Variants in SSH2 observed in about 807,000 individuals in gnomAD.
SSH2 encodes slingshot protein phosphatase 2.
A neutral mutation model predicts 135.2 loss-of-function variants in SSH2; 37 were observed. The ratio of observed to expected loss-of-function variants is 0.27; its 90% confidence interval spans 0.21 to 0.36. SSH2 has a LOEUF of 0.36. Ranked by LOEUF, SSH2 falls within the 10% of genes least tolerant of loss-of-function variation. The pLI, the probability that SSH2 is intolerant of heterozygous loss-of-function variation, is 1.00. For synonymous variants in SSH2, 628 were observed against 646.2 expected (o/e 0.97, Z 0.43); for missense variants, 1,408 against 1,765.3 (o/e 0.80, Z 3.63).
intron 3 of SSH2, among the ~76,000 whole-genome samples, chr17:29,760,949 G>T (rs1473179063): frequency 1.3e-5 from 2 of 151,632 alleles, no homozygotes; most frequent in Admixed American, 6.6e-5. Flanking sequence ...CCCCCACCCC[G>T]GGACACTTTC....
In SSH2 at chr17:29,766,300, GC is replaced by G. The variant is rs2041446336; in HGVS notation, c.188+27593del. On this transcript the variant is annotated intron_variant, in intron 3 of 15. Coordinates refer to ENST00000540801, the MANE Select transcript of SSH2 (RefSeq NM_001282129.2). Reference sequence around the variant, plus strand: ...GCTTGAACCCAGGAGTTTGAGACCAGCCTGGGCAAGATAGTGAGACCCTGTC... The same window carrying G: ...GCTTGAACCCAGGAGTTTGAGACCAGCTGGGCAAGATAGTGAGACCCTGTC... Among the ~76,000 whole-genome samples, 4 of 151,426 alleles carry G rather than the reference GC, an allele frequency of 2.6e-5. No individual in the cohort carries two copies. The South Asian group carries it at 6.3e-4, about 24-fold the overall frequency.
At chr17:29,661,061 C>CAAAAA (rs374216221) in intron 11 of SSH2, among the ~76,000 whole-genome samples, 95 of 47,852 alleles carry the variant, frequency 2.0e-3, no homozygotes, top group Non-Finnish European at 2.6e-3. Flanking sequence ...AATTCCATCT[C>CAAAAA]AAAAAAAAAA....
At chr17:29,833,041 C>T (rs1380249568) in intron 2 of SSH2, among the ~76,000 whole-genome samples, 1 of 152,176 alleles carries the variant, frequency 6.6e-6, no homozygotes. Context: ...GCTCCATATG[C>T]TGAGAAAAAA....
At chr17:29,711,088 G>A (rs974185635) in intron 3 of SSH2, among the ~76,000 whole-genome samples, 1 of 152,144 alleles carries the variant, frequency 6.6e-6, no homozygotes, top group African/African-American at 2.4e-5. Flanking sequence ...CAGAGACTGG[G>A]CCACATGAGT....
At chr17:29,747,174 C>T (rs974568817) in intron 3 of SSH2, among the ~76,000 whole-genome samples, 1 of 152,068 alleles carries the variant, frequency 6.6e-6, no homozygotes, top group South Asian at 2.1e-4. Flanking sequence ...AGGTACCATC[C>T]TCAAACAAAC....
At chr17:29,680,986 T>C (rs562173092) in intron 6 of SSH2, among the ~76,000 whole-genome samples, 18 of 152,184 alleles carry the variant, frequency 1.2e-4, no homozygotes, top group African/African-American at 4.1e-4. Flanking sequence ...ACAAGTGACA[T>C]TGATATACAG....
At chr17:29,722,313 A>G (rs1161452350) in intron 3 of SSH2, among the ~76,000 whole-genome samples, 2 of 151,934 alleles carry the variant, frequency 1.3e-5, no homozygotes, top group Admixed American at 1.3e-4. Context: ...TTACAACAGC[A>G]GTTTCTAAAT....
chr17:29,648,017 A>G, intron 14 of SSH2, 127 bp downstream of exon 14: 1 of 914,598 alleles, frequency 1.1e-6, no homozygotes. Flanking sequence ...GGATTGATAG[A>G]GAAATAAGTC....
chr17:29,737,576 G>A (rs1050260735), intron 3 of SSH2, among the ~76,000 whole-genome samples: 16 of 152,170 alleles, frequency 1.1e-4, no homozygotes, highest in Admixed American at 5.9e-4. Context: ...GGGATATAAA[G>A]TTAGAAGACC....
chr17:29,800,217 G>A (rs1296168028), intron 2 of SSH2, among the ~76,000 whole-genome samples: 1 of 151,364 alleles, frequency 6.6e-6, no homozygotes, highest in Non-Finnish European at 1.5e-5. Context: ...AAAACTTGAG[G>A]GAAAAAAAAA....
Position 29,684,669 on chromosome 17 carries a change from T to C in SSH2, c.373A>G (p.Ser125Gly). 6.2e-7 allele frequency: 1 copy of C among 1,611,560 alleles called. No homozygotes were observed. Among genetic ancestry groups the C allele is most frequent in the Non-Finnish European group, 8.5e-7 (1 of 1,178,822 alleles). The part of the protein sequence containing the change: ...DNIRLAVRLE[S>G]TYQNRTRYMV... Reference sequence around the variant, plus strand: ...TAGCGTGTTCGATTCTGGTAAGTACTTTCCAGTCTTACAGCCTGGAATTTA... The same window carrying C: ...TAGCGTGTTCGATTCTGGTAAGTACCTTCCAGTCTTACAGCCTGGAATTTA... The change falls in exon 6 of 16, where the codon AGT becomes GGT. Residue 125 changes from serine to glycine, a missense_variant. Ser to Gly is a moderately conservative substitution (Grantham distance 56). Transcript: ENST00000540801.
At chr17:29,676,052 T>C (rs1013987068) in intron 8 of SSH2, 7 of 152,178 alleles carry the variant, frequency 4.6e-5, no homozygotes, top group African/African-American at 1.4e-4. Context: ...TATAATGTTT[T>C]CTCTAGGCTT....
chr17:29,842,823 TG>T (rs1308881138), intron 2 of SSH2, among the ~76,000 whole-genome samples: 1 of 152,196 alleles, frequency 6.6e-6, no homozygotes, highest in Non-Finnish European at 1.5e-5. Flanking sequence ...TTTCTGACGA[TG>T]GGCCCTAACA....
intron 3 of SSH2, among the ~76,000 whole-genome samples, chr17:29,707,933 G>C (rs1263470915): frequency 1.3e-5 from 2 of 151,960 alleles, no homozygotes. Context: ...ATGGCCCCAG[G>C]TTATGACCCC....
chr17:29,710,319 C>G (rs1598854271), intron 3 of SSH2, among the ~76,000 whole-genome samples: 1 of 152,246 alleles, frequency 6.6e-6, no homozygotes. Context: ...ATGCCAAACT[C>G]TGGAGTTGGT....
chr17:29,713,461 T>C (rs2039514052), intron 3 of SSH2, among the ~76,000 whole-genome samples: 1 of 151,824 alleles, frequency 6.6e-6, no homozygotes, highest in Admixed American at 6.6e-5. Context: ...TTTTCTTTCT[T>C]TTTTTTTAGC....
chr17:29,828,499 G>C (rs1221219748), intron 2 of SSH2, among the ~76,000 whole-genome samples: 2 of 152,178 alleles, frequency 1.3e-5, no homozygotes, highest in African/African-American at 2.4e-5. Context: ...AAAGGCTAAA[G>C]ACAGTGAGAA....
chr17:29,657,574 GTTTTTTTTTT>G, intron 11 of SSH2, among the ~76,000 whole-genome samples: 1 of 80,070 alleles, frequency 1.2e-5, no homozygotes, highest in Admixed American at 1.9e-4. Context: ...CGGCTACTTT[GTTTTTTTTTT>G]TTTTTTTTTT....
At chr17:29,813,875 T>C (rs1162950028) in intron 2 of SSH2, among the ~76,000 whole-genome samples, 1 of 151,526 alleles carries the variant, frequency 6.6e-6, no homozygotes, top group Non-Finnish European at 1.5e-5. Context: ...CTCATGCTTG[T>C]AATCCCAGCA....
Sources: allele counts gnomAD v4.1 joint callset (sites outside exome capture counted in the v4.1 genomes callset), GRCh38; gene constraint gnomAD v4.1.1; transcripts MANE v1.5; gene names NCBI Gene and HGNC (gene_info 2026-07-23, HGNC 2026-07-21).